The following MPDZ variants were observed in gnomAD, a reference collection of about 807,000 sequenced individuals.
MPDZ encodes multiple PDZ domain protein.
A neutral mutation model predicts 239.1 loss-of-function variants in MPDZ; 234 were observed. The ratio of observed to expected loss-of-function variants is 0.98; its 90% CI spans 0.88 to 1.09. The LOEUF is 1.09. Ranked by LOEUF, MPDZ falls within the 50% of genes least tolerant of loss-of-function variation. The probability of loss-of-function intolerance (pLI) is 0.00; values close to 1 mark genes in which losing one functional copy is unlikely to be tolerated. For synonymous variants in MPDZ, 1,048 were observed against 881.3 expected (o/e 1.19, Z -3.35); for missense variants, 3,175 against 2,510.0 (o/e 1.26, Z -5.66).
intron 3 of MPDZ, among the ~76,000 whole-genome samples, chr9:13,234,842 G>C (rs1215076968): frequency 6.6e-6 from 1 of 151,610 alleles, no homozygotes; most frequent in Admixed American, 6.6e-5. Context: ...CATGCACCTT[G>C]TATTTTCTTC....
intron 25 of MPDZ, among the ~76,000 whole-genome samples, chr9:13,148,766 T>C (rs1416621831): frequency 6.6e-6 from 1 of 151,914 alleles, no homozygotes; most frequent in East Asian, 1.9e-4. Flanking sequence ...GAGAAACTCT[T>C]AGCAGAGACA....
intron 1 of MPDZ, among the ~76,000 whole-genome samples, chr9:13,275,546 G>C (rs1283996860): frequency 2.0e-5 from 3 of 152,162 alleles, no homozygotes; most frequent in African/African-American, 4.8e-5. Flanking sequence ...TTTGGTACCA[G>C]GAAATGGGGT....
intron 1 of MPDZ, among the ~76,000 whole-genome samples, chr9:13,270,606 T>A (rs1168620984): frequency 6.6e-6 from 1 of 152,146 alleles, no homozygotes; most frequent in Non-Finnish European, 1.5e-5. Flanking sequence ...TTACACTGAT[T>A]ATATTTTGAA....
intron 21 of MPDZ, among the ~76,000 whole-genome samples, chr9:13,174,661 C>T (rs894919929): frequency 6.6e-6 from 1 of 152,238 alleles, no homozygotes. Context: ...ATCAGAAATA[C>T]TAAATTAGCC....
At chr9:13,240,427 G>A (rs1316027280) in intron 3 of MPDZ, among the ~76,000 whole-genome samples, 1 of 151,622 alleles carries the variant, frequency 6.6e-6, no homozygotes, top group Non-Finnish European at 1.5e-5. Context: ...AGAATTTATA[G>A]GACATGGCAT....
At chr9:13,114,684 G>C (rs993660734) in intron 40 of MPDZ, among the ~76,000 whole-genome samples, 6 of 152,072 alleles carry the variant, frequency 3.9e-5, no homozygotes, top group African/African-American at 1.4e-4. Context: ...GGTGGATCAC[G>C]AGGTCAGGCG....
chr9:13,110,942 G>A (rs1942355359), intron 43 of MPDZ, among the ~76,000 whole-genome samples: 1 of 152,182 alleles, frequency 6.6e-6, no homozygotes, highest in South Asian at 2.1e-4. Context: ...TAATGGTTGA[G>A]TTCCATATCC....
chr9:13,190,971 T>A (rs1179539585), intron 15 of MPDZ, among the ~76,000 whole-genome samples: 4 of 152,150 alleles, frequency 2.6e-5, no homozygotes, highest in Non-Finnish European at 5.9e-5. Flanking sequence ...GGATTCAAAA[T>A]ACTAGGTTAA....
At chr9:13,120,569 C>G (rs1290260047) in intron 38 of MPDZ, 1 of 152,152 alleles carries the variant, frequency 6.6e-6, no homozygotes, top group Non-Finnish European at 1.5e-5. Context: ...CAAAAAAAGT[C>G]TATTTTTTAG....
chr9:13,182,629 C>A (rs1953507131), intron 19 of MPDZ, among the ~76,000 whole-genome samples: 1 of 151,792 alleles, frequency 6.6e-6, no homozygotes, highest in Admixed American at 6.6e-5. Flanking sequence ...ATGAAGAGAT[C>A]TTTGATGAAA....
intron 11 of MPDZ, 47 bp from the exon 12 acceptor site, chr9:13,205,154 G>C: frequency 1.9e-6 from 2 of 1,047,312 alleles, no homozygotes; most frequent in East Asian, 3.0e-5. Flanking sequence ...GTATAATCAA[G>C]TACTTGAATT....
intron 41 of MPDZ, 29 bp from the exon 42 acceptor site, chr9:13,113,083 T>A: frequency 6.6e-7 from 1 of 1,510,006 alleles, no homozygotes; most frequent in Non-Finnish European, 9.0e-7. Context: ...TAAAATAGGG[T>A]TATTTTATGT....
chr9:13,133,833 C>T lies in MPDZ; in HGVS notation c.4455G>A (p.Glu1485=), dbSNP rs915444766. The T allele has an allele frequency of 1.4e-5, 22 of 1,598,894 alleles. No homozygotes were observed. The highest frequency in any genetic ancestry group is 3.3e-4 in the Middle Eastern group (2 of 6,054). ...TTCAAAGCAGATTTACCTTGGGAAG[C>T]TCCAGATGTTGCACATTTTTAAATG... ...LSSFKNVQHL[E]LPKDQGGLGI... Residue 1485 remains glutamate, a synonymous_variant, in exon 32 of 47, where the codon GAG becomes GAA. Transcript: ENST00000319217.
At chr9:13,218,313 A>T (rs1413205451) in intron 8 of MPDZ, among the ~76,000 whole-genome samples, 1 of 152,006 alleles carries the variant, frequency 6.6e-6, no homozygotes, top group East Asian at 1.9e-4. Context: ...TTTTAATAAG[A>T]CTTATGCGAG....
chr9:13,198,551 T>C (rs1955939465), intron 12 of MPDZ, among the ~76,000 whole-genome samples: 2 of 152,032 alleles, frequency 1.3e-5, no homozygotes, highest in South Asian at 2.1e-4. Context: ...CTATTTATAT[T>C]GTTGTTACCT....
chr9:13,188,325 C>G (rs1954417848), intron 17 of MPDZ, among the ~76,000 whole-genome samples: 1 of 152,058 alleles, frequency 6.6e-6, no homozygotes, highest in South Asian at 2.1e-4. Context: ...CGAGACCAGC[C>G]TGGCCAACAT....
At chr9:13,199,566 C>T (rs532159131) in intron 12 of MPDZ, among the ~76,000 whole-genome samples, 12 of 151,952 alleles carry the variant, frequency 7.9e-5, no homozygotes, top group Admixed American at 7.2e-4. Flanking sequence ...AAGTAAGCAT[C>T]GTTGTCTTGT....
chr9:13,183,648 T>A (rs1953693591), intron 18 of MPDZ, 63 bp from the exon 19 acceptor site: 4 of 1,534,044 alleles, frequency 2.6e-6, no homozygotes, highest in Non-Finnish European at 3.6e-6. Flanking sequence ...ACAAACAATC[T>A]CCACTTGAGA....
intron 24 of MPDZ, among the ~76,000 whole-genome samples, chr9:13,151,175 T>C (rs970301168): frequency 1.3e-5 from 2 of 151,874 alleles, no homozygotes; most frequent in Non-Finnish European, 2.9e-5. Flanking sequence ...TTAACAAGAA[T>C]GCAGAGCGTG....
Sources: gnomAD v4.1 joint callset for allele counts (sites outside exome capture counted in the v4.1 genomes callset) on GRCh38, gnomAD v4.1.1 for gene constraint, MANE v1.5 for transcripts, NCBI Gene and HGNC (gene_info 2026-07-23, HGNC 2026-07-21) for gene names.